TLK1: variants seen among roughly 807,000 people sequenced by gnomAD.
TLK1 encodes the protein tousled like kinase 1.
TLK1 carries 24 observed loss-of-function variants against 105.3 expected under a neutral mutation model. The observed-to-expected ratio is 0.23, with a 90% CI of 0.17 to 0.32. The LOEUF (loss-of-function observed/expected upper bound fraction) is 0.32, where lower values mean the gene tolerates loss of function less well. TLK1 is among the 10% of genes least tolerant of loss of function. The pLI is 1.00. For missense variants in TLK1, 558 were observed against 910.5 expected, an observed-to-expected ratio of 0.61 and a Z score of 4.98; for synonymous variants, 321 against 310.4, an observed-to-expected ratio of 1.03 and a Z score of -0.36.
At chr2:171,063,005 GAAATAA>G (rs1687825405) in intron 3 of TLK1, among the ~76,000 whole-genome samples, 1 of 152,052 alleles carries the variant, frequency 6.6e-6, no homozygotes, top group South Asian at 2.1e-4. Flanking sequence ...TGTTTTCCTA[GAAATAA>G]AAATATCACT....
chr2:171,021,192 C>T (rs1409092035), intron 12 of TLK1, among the ~76,000 whole-genome samples: 1 of 152,048 alleles, frequency 6.6e-6, no homozygotes, highest in Non-Finnish European at 1.5e-5. Flanking sequence ...TATAACAAAA[C>T]AAAACAAAAA....
chr2:171,160,766 C>A lies in TLK1; in HGVS notation c.-338G>T. Reference sequence around the variant, plus strand: ...CGGAGCGCGGGCGGAGCGCGGGCTGCGCCGGCCGAGGACACTTCCGCGGGC... The same window carrying A: ...CGGAGCGCGGGCGGAGCGCGGGCTGAGCCGGCCGAGGACACTTCCGCGGGC... On this transcript the variant is annotated 5_prime_UTR_variant, in exon 1 of 21. Coordinates refer to ENST00000431350, the MANE Select transcript of TLK1 (RefSeq NM_012290.5). The surrounding 1 kb of genome is among the most constrained non-coding windows in gnomAD (Gnocchi z 4.4). The A allele has an allele frequency of 2.4e-6, 1 of 425,262 alleles. No individual in the cohort carries two copies. The highest frequency in any genetic ancestry group is 2.2e-5 in the African/African-American group (1 of 45,630). The allele number at this position is 425,262 out of a possible 1,614,324, so 26.3% of individuals were successfully genotyped here.
chr2:171,209,135 C>A (rs6713640), intron 1 of TLK1, among the ~76,000 whole-genome samples: 1 of 151,814 alleles, frequency 6.6e-6, no homozygotes, highest in Non-Finnish European at 1.5e-5. Context: ...TGCAGCACAG[C>A]GTAAATAGTG....
At chr2:171,182,857 G>A (rs1406223571) in intron 1 of TLK1, among the ~76,000 whole-genome samples, 1 of 150,352 alleles carries the variant, frequency 6.7e-6, no homozygotes, top group Non-Finnish European at 1.5e-5. Context: ...AGGAGGTCAA[G>A]GATGCAGAGA....
chr2:171,117,960 T>C, intron 1 of TLK1, 103 bp from the exon 2 acceptor site: 1 of 728,146 alleles, frequency 1.4e-6, no homozygotes, highest in South Asian at 3.3e-5. Context: ...GTTAAAAATT[T>C]AGGAATGAAT....
At chr2:171,214,509 T>TA (rs2105327405) in intron 1 of TLK1, among the ~76,000 whole-genome samples, 1 of 152,320 alleles carries the variant, frequency 6.6e-6, no homozygotes, top group Admixed American at 6.5e-5. Flanking sequence ...GTTAAATTGA[T>TA]ACAATTTTAA....
chr2:171,199,373 T>C (rs1041183700), intron 1 of TLK1, among the ~76,000 whole-genome samples: 3 of 152,128 alleles, frequency 2.0e-5, no homozygotes, highest in Admixed American at 2.0e-4. Flanking sequence ...TAGCTGGCTA[T>C]GGTGGCATGC....
At chr2:171,021,245 T>C (rs1455550215) in intron 12 of TLK1, among the ~76,000 whole-genome samples, 2 of 133,864 alleles carry the variant, frequency 1.5e-5, no homozygotes, top group African/African-American at 5.1e-5. Context: ...ATTCAACTGA[T>C]TGGCAAAATT....
chr2:171,227,616 TTC>T lies in TLK1; in HGVS notation c.-6+3527_-6+3528del, dbSNP rs139205194. 4.9e-3 allele frequency among the ~76,000 whole-genome samples: 651 copies of T among 132,288 alleles called. 6 individuals are homozygous for T. The highest frequency in any genetic ancestry group is 8.7e-3 in the Non-Finnish European group (548 of 62,722). The allele number at this position is 132,288 out of a possible 152,430, so 86.8% of individuals were successfully genotyped here. ...TTTTTTTTGTTTAAGCCAGTTGGAT[TTC>T]TTTCACTTGCAACTGTAAAAGTTCT... On this transcript the variant is annotated intron_variant, in intron 1 of 20. Transcript: ENST00000521943.
chr2:171,149,856 G>A lies in TLK1; in HGVS notation c.139+10434C>T, dbSNP rs539707811. On this transcript the variant is annotated intron_variant, in intron 1 of 20. Transcript: ENST00000431350. ...CAGGAGTTGGAGGCTGCAGTGAGCC[G>A]TGATCATGTCACTGTGCTCCAGCCT... Among the ~76,000 whole-genome samples the A allele has an allele frequency of 4.6e-5, 7 of 152,234 alleles. No individual in the cohort carries two copies. In the South Asian group the frequency reaches 6.2e-4, roughly 14 times the overall value.
At chr2:171,020,269 C>T (rs760656577) in intron 12 of TLK1, among the ~76,000 whole-genome samples, 3 of 151,390 alleles carry the variant, frequency 2.0e-5, no homozygotes, top group Non-Finnish European at 2.9e-5. Flanking sequence ...GGGCCAGGTG[C>T]GGTGGCTCAT....
chr2:171,160,635 G>A lies in TLK1; in HGVS notation c.-207C>T. ...TGAGGGAAGGAGAGGGGACAGGGAG[G>A]AGGGAAAGGGGGAGAAGCGAGGGAG... is the stretch of plus-strand genomic sequence containing the variant. On this transcript the variant is annotated 5_prime_UTR_variant, in exon 1 of 21. Coordinates refer to ENST00000431350, the MANE Select transcript of TLK1 (RefSeq NM_012290.5). The surrounding 1 kb of genome is among the most constrained non-coding windows in gnomAD (Gnocchi z 4.4). 2.7e-6 allele frequency: 2 copies of A among 728,026 alleles called. No homozygotes were observed. The highest frequency in any genetic ancestry group is 4.2e-6 in the Non-Finnish European group (2 of 478,310). 45.1% of individuals were successfully genotyped at this position (728,026 alleles called of 1,614,324 possible). A position where few individuals can be genotyped will look rare whatever the true frequency, so the allele number is the denominator to read the frequency against.
chr2:171,110,764 CTATT>C (rs1415897133), intron 2 of TLK1, among the ~76,000 whole-genome samples: 1 of 152,138 alleles, frequency 6.6e-6, no homozygotes, highest in Non-Finnish European at 1.5e-5. Flanking sequence ...GCAAAATAAA[CTATT>C]TAATACCTTA....
At chr2:171,151,323 G>A (rs1259617710) in intron 1 of TLK1, among the ~76,000 whole-genome samples, 1 of 151,834 alleles carries the variant, frequency 6.6e-6, no homozygotes, top group East Asian at 1.9e-4. Context: ...CTGGCCCTTG[G>A]ATACATTACT....
intron 12 of TLK1, among the ~76,000 whole-genome samples, chr2:171,027,666 A>G (rs1470163538): frequency 2.0e-5 from 3 of 152,230 alleles, no homozygotes; most frequent in Admixed American, 2.0e-4. Flanking sequence ...TATGAAATGA[A>G]CATAAACAAT....
Position 170,993,796 on chromosome 2 carries a change from C to T in TLK1, c.2285G>A (p.Ser762Asn). 1 of 1,591,076 alleles carries T rather than the reference C, an allele frequency of 6.3e-7. No homozygotes were observed. The highest frequency in any genetic ancestry group is 8.6e-7 in the Non-Finnish European group (1 of 1,169,428). The change falls in exon 21 of 21, where the codon AGC becomes AAC. Residue 762 changes from serine to asparagine, a missense_variant. Physicochemically the swap from Ser to Asn is conservative, Grantham distance 46. Coordinates refer to ENST00000431350, the MANE Select transcript of TLK1 (RefSeq NM_012290.5). The stretch of plus-strand genomic sequence containing the variant: ...GGAGGAAAGTCAGTAAGTAATTATG[C>T]TTGAAGAAGGGGGTGTAGGGGATGC... ...LTASPTPPSS[S>N]IITY
chr2:171,023,140 G>A (rs1414480955), intron 12 of TLK1: 4 of 470,976 alleles, frequency 8.5e-6, no homozygotes, highest in African/African-American at 4.0e-5. Flanking sequence ...CTTCAGAACG[G>A]AGGCACAAGG....
chr2:171,113,573 C>A (rs1690275954), intron 2 of TLK1, among the ~76,000 whole-genome samples: 1 of 151,908 alleles, frequency 6.6e-6, no homozygotes, highest in African/African-American at 2.4e-5. Flanking sequence ...ACACCCAGCC[C>A]ACATATACTT....
chr2:171,063,189 T>C (rs989578318), intron 3 of TLK1, among the ~76,000 whole-genome samples: 1 of 151,722 alleles, frequency 6.6e-6, no homozygotes. Flanking sequence ...CTACTAAAAA[T>C]ATAAAAATTA....
Sources: allele counts gnomAD v4.1 joint callset (sites outside exome capture counted in the v4.1 genomes callset), GRCh38; gene constraint gnomAD v4.1.1; non-coding constraint Gnocchi (gnomAD v3.1); transcripts MANE v1.5; gene names NCBI Gene and HGNC (gene_info 2026-07-23, HGNC 2026-07-21).